The following DDX19B variants were observed in gnomAD, a reference collection of about 807,000 sequenced individuals.
DDX19B encodes the protein ATP-dependent RNA helicase DDX19B.
In DDX19B, 27 loss-of-function variants were observed where a neutral mutation model predicts 58.1. The ratio of observed to expected loss-of-function variants is 0.46; its 90% confidence interval spans 0.34 to 0.64. DDX19B has a LOEUF of 0.64. Ranked by LOEUF, DDX19B falls within the 30% of genes least tolerant of loss-of-function variation. The pLI, the probability that DDX19B is intolerant of heterozygous loss-of-function variation, is 0.01. For missense variants in DDX19B, 399 were observed against 596.5 expected (o/e 0.67, Z 3.45); for synonymous variants, 187 against 214.4 (o/e 0.87, Z 1.12).
intron 5 of DDX19B, 105 bp downstream of exon 5, chr16:70,317,693 A>C: frequency 1.1e-6 from 1 of 918,742 alleles, no homozygotes; most frequent in African/African-American, 1.7e-5. Flanking sequence ...AATCCCAGCA[A>C]CCTGAGAGGC....
chr16:70,317,050 CA>C (rs1315776588), intron 4 of DDX19B, among the ~76,000 whole-genome samples: 6 of 151,376 alleles, frequency 4.0e-5, no homozygotes, highest in Non-Finnish European at 7.4e-5. Context: ...ACTAAAAATA[CA>C]AAAAAAATTA....
intron 1 of DDX19B, among the ~76,000 whole-genome samples, chr16:70,306,568 T>C (rs1291671898): frequency 6.6e-6 from 1 of 152,192 alleles, no homozygotes; most frequent in African/African-American, 2.4e-5. Flanking sequence ...TAGAGTTATC[T>C]TTTGGATAGA....
At position 70,333,614 on chromosome 16, in the gene DDX19B, G is replaced by GCA. The variant is rs1427715737; in HGVS notation, c.*34_*35dup. 1.9e-6 allele frequency: 3 copies of GCA among 1,613,844 alleles called. No individual in the cohort carries two copies. In the Admixed American group the frequency reaches 5.0e-5, roughly 27 times the overall value. ...CCACCAGCCACTGATGCCAGCCCTG[G>GCA]CACTGCCCCTGCACAGGAGACAAGT... On this transcript the variant is annotated 3_prime_UTR_variant, in exon 12 of 12. Transcript: ENST00000288071.
chr16:70,335,042 G>T lies in DDX19B; in HGVS notation c.*1460G>T, dbSNP rs145670600. 4 of 152,068 alleles carry T rather than the reference G, an allele frequency of 2.6e-5. No homozygotes were observed. The highest frequency in any genetic ancestry group is 2.6e-4 in the Admixed American group (4 of 15,230). The allele number at this position is 152,068 out of a possible 1,614,324, so 9.4% of individuals were successfully genotyped here. A position where few individuals can be genotyped will look rare whatever the true frequency, so the allele number is the denominator to read the frequency against. ...AGATCTGCCTCCTGGGAAGGGAAGGGGCCAATGTCAGCCTCCAGGTGATTT... is the reference window on the plus strand; with the variant it reads ...AGATCTGCCTCCTGGGAAGGGAAGGTGCCAATGTCAGCCTCCAGGTGATTT... On this transcript the variant is annotated 3_prime_UTR_variant, in exon 12 of 12. Coordinates refer to ENST00000288071, the MANE Select transcript of DDX19B (RefSeq NM_007242.7).
rs1347297757 is a variant in DDX19B at position 70,299,226 on chromosome 16, C to G, written c.-72C>G. ...GGCTGGAGCAGAGCCTGCCGCGAAC[C>G]CCCGGAGCCCACGATCCCTCGTGCC... On this transcript the variant is annotated 5_prime_UTR_variant, in exon 1 of 12. Transcript: ENST00000288071. The G allele has an allele frequency of 2.7e-6, 4 of 1,461,018 alleles. No individual in the cohort carries two copies. Among genetic ancestry groups the G allele is most frequent in the Non-Finnish European group, 3.6e-6 (4 of 1,105,448 alleles). 90.5% of individuals were successfully genotyped at this position (1,461,018 alleles called of 1,614,324 possible). A position where few individuals can be genotyped will look rare whatever the true frequency, so the allele number is the denominator to read the frequency against.
chr16:70,291,790 C>T (rs980682005), upstream of DDX19B, among the ~76,000 whole-genome samples: 3 of 150,520 alleles, frequency 2.0e-5, no homozygotes, highest in South Asian at 2.1e-4. Context: ...CAGCCTGGGC[C>T]GCAGAGCGAG....
chr16:70,291,277 G>T (rs181808167), upstream of DDX19B, among the ~76,000 whole-genome samples: 86 of 152,244 alleles, frequency 5.6e-4, no homozygotes, highest in Admixed American at 2.7e-3. Context: ...GCAAAACCAG[G>T]AGACACAAGT....
chr16:70,331,981 C>T, intron 10 of DDX19B, 97 bp downstream of exon 10: 6 of 1,514,378 alleles, frequency 4.0e-6, no homozygotes, highest in Non-Finnish European at 4.4e-6. Context: ...CGGATGGTCT[C>T]AGGGAGATGG....
chr16:70,322,588 CAAAAAA>C (rs568610716), intron 5 of DDX19B, among the ~76,000 whole-genome samples: 3 of 47,510 alleles, frequency 6.3e-5, no homozygotes, highest in South Asian at 8.0e-4. Flanking sequence ...GACCTTGTCT[CAAAAAA>C]AAAAAAAAAA....
upstream of DDX19B, among the ~76,000 whole-genome samples, chr16:70,296,884 C>G (rs1183257492): frequency 6.6e-6 from 1 of 152,040 alleles, no homozygotes; most frequent in African/African-American, 2.4e-5. Context: ...CCACAGAGAA[C>G]CCACCATGGC....
At chr16:70,324,362 C>CA (rs57977602) in intron 5 of DDX19B, among the ~76,000 whole-genome samples, 615 of 48,816 alleles carry the variant, frequency 0.013, 16 homozygotes, top group Non-Finnish European at 0.016. Context: ...GACCTAATCT[C>CA]AAAAAAAAAA....
At chr16:70,328,363 T>TC (rs1246396322) in intron 7 of DDX19B, among the ~76,000 whole-genome samples, 2 of 146,370 alleles carry the variant, frequency 1.4e-5, no homozygotes, top group Admixed American at 6.8e-5. Context: ...TTCTGAATTT[T>TC]TTTTTTTTTT....
upstream of DDX19B, chr16:70,294,810 G>C: frequency 6.9e-7 from 1 of 1,448,736 alleles, no homozygotes; most frequent in Non-Finnish European, 9.1e-7. Context: ...GCCAAGAGCA[G>C]CGGTTGTTGG....
chr16:70,306,126 TTTTGTTGTTGTTGTTGTTGTTG>T (rs1012396185), intron 1 of DDX19B, among the ~76,000 whole-genome samples: 9 of 151,080 alleles, frequency 6.0e-5, no homozygotes, highest in African/African-American at 1.9e-4. Flanking sequence ...GTTAGGTCAG[TTTTGTTGTTGTTGTTGTTGTTG>T]TTTGTTGTTG....
At chr16:70,303,697 C>T (rs558960960) in intron 1 of DDX19B, among the ~76,000 whole-genome samples, 5 of 152,118 alleles carry the variant, frequency 3.3e-5, no homozygotes, top group Non-Finnish European at 7.4e-5. Flanking sequence ...GCTGGGACTA[C>T]AGGCGCCCAC....
At chr16:70,290,793 C>T (rs1268509964), upstream of DDX19B, among the ~76,000 whole-genome samples, 1 of 152,162 alleles carries the variant, frequency 6.6e-6, no homozygotes, top group Non-Finnish European at 1.5e-5. Flanking sequence ...AGCTGGAGTC[C>T]CCTTTTTACA....
upstream of DDX19B, among the ~76,000 whole-genome samples, chr16:70,290,773 G>A (rs1314601941): frequency 6.6e-6 from 1 of 152,126 alleles, no homozygotes; most frequent in Non-Finnish European, 1.5e-5. Flanking sequence ...TTTAAACTGT[G>A]TATGAGGTCA....
chr16:70,290,312 C>T (rs1961027040), upstream of DDX19B, among the ~76,000 whole-genome samples: 1 of 151,920 alleles, frequency 6.6e-6, no homozygotes, highest in South Asian at 2.1e-4. Flanking sequence ...CTGAGGCCAA[C>T]GGATGACGAG....
chr16:70,319,670 C>T (rs750450857), intron 5 of DDX19B: 11 of 150,588 alleles, frequency 7.3e-5, no homozygotes, highest in Non-Finnish European at 1.2e-4. Context: ...GCAGGCAGAT[C>T]GCTTGAGCCC....
Sources: gnomAD v4.1 joint callset for allele counts (sites outside exome capture counted in the v4.1 genomes callset) on GRCh38, gnomAD v4.1.1 for gene constraint, MANE v1.5 for transcripts, NCBI Gene and HGNC (gene_info 2026-07-23, HGNC 2026-07-21) for gene names.